The following SOX5 variants were observed in gnomAD, a reference collection of about 807,000 sequenced individuals.
SOX5 encodes the protein transcription factor SOX-5.
In SOX5, 9 loss-of-function variants were observed where a neutral mutation model predicts 92.0. The ratio of observed to expected loss-of-function variants is 0.10; its 90% confidence interval spans 0.06 to 0.17. The LOEUF (loss-of-function observed/expected upper bound fraction) is 0.17, where lower values mean the gene tolerates loss of function less well. SOX5 is among the 10% of genes least tolerant of loss of function. SOX5 has a pLI of 1.00. For missense variants in SOX5, 642 were observed against 944.5 expected (o/e 0.68, Z 4.20); for synonymous variants, 344 against 336.3 (o/e 1.02, Z -0.25).
chr12:24,142,400 T>A (rs1251750585), intron 4 of SOX5, among the ~76,000 whole-genome samples: 1 of 152,318 alleles, frequency 6.6e-6, no homozygotes, highest in East Asian at 1.9e-4. Context: ...ATTCGGATTC[T>A]GGTACATTTG....
intron 3 of SOX5, among the ~76,000 whole-genome samples, chr12:23,809,610 CT>C (rs1567952108): frequency 9.4e-6 from 1 of 106,642 alleles, no homozygotes; most frequent in Non-Finnish European, 2.0e-5. Context: ...TTGAAACATA[CT>C]TTTTTATTAA....
intron 2 of SOX5, among the ~76,000 whole-genome samples, chr12:23,860,494 G>C (rs181313429): frequency 8.3e-4 from 127 of 152,186 alleles, no homozygotes; most frequent in African/African-American, 2.9e-3. Flanking sequence ...CAGAGATAAT[G>C]TTTTAAATAG....
intron 3 of SOX5, among the ~76,000 whole-genome samples, chr12:23,781,233 T>C (rs949907354): frequency 4.9e-4 from 74 of 152,034 alleles, no homozygotes; most frequent in African/African-American, 1.7e-3. Flanking sequence ...ATGCTTTTAA[T>C]GGAAACCTCT....
intron 1 of SOX5, among the ~76,000 whole-genome samples, chr12:24,374,115 G>A (rs145292912): frequency 1.5e-3 from 227 of 152,330 alleles, no homozygotes; most frequent in African/African-American, 5.3e-3. Flanking sequence ...GGCAAAGAAA[G>A]AGGTAGAAGA....
chr12:24,159,799 T>A (rs911651367), intron 4 of SOX5, among the ~76,000 whole-genome samples: 4 of 152,090 alleles, frequency 2.6e-5, no homozygotes, highest in East Asian at 1.9e-4. Context: ...TGCAGAAACA[T>A]GATGCTGACA....
chr12:24,348,411 C>T (rs558729011), intron 2 of SOX5, among the ~76,000 whole-genome samples: 1 of 103,690 alleles, frequency 9.6e-6, no homozygotes, highest in African/African-American at 3.4e-5. Flanking sequence ...GAGATGGAGG[C>T]TCACTCTGTT....
chr12:23,599,113 C>A (rs1952993823), intron 9 of SOX5, among the ~76,000 whole-genome samples: 2 of 152,098 alleles, frequency 1.3e-5, no homozygotes, highest in African/African-American at 4.8e-5. Flanking sequence ...AAATAGGTTC[C>A]CTAATAGGAG....
chr12:23,962,673 T>A (rs780509317), intron 4 of SOX5, among the ~76,000 whole-genome samples: 14 of 152,238 alleles, frequency 9.2e-5, no homozygotes, highest in Non-Finnish European at 1.6e-4. Flanking sequence ...AGATGCTATT[T>A]TTGCAATTAG....
chr12:24,396,065 G>A (rs1959875408), intron 1 of SOX5, among the ~76,000 whole-genome samples: 1 of 152,228 alleles, frequency 6.6e-6, no homozygotes, highest in African/African-American at 2.4e-5. Context: ...ACATAAGTTG[G>A]AAAATGGGTC....
At chr12:24,430,066 C>G (rs1326892926) in intron 1 of SOX5, among the ~76,000 whole-genome samples, 2 of 152,154 alleles carry the variant, frequency 1.3e-5, no homozygotes, top group Admixed American at 6.5e-5. Context: ...TCATTAATCA[C>G]TTTTGAAAAT....
chr12:24,173,282 A>AC (rs1817863383), intron 4 of SOX5, among the ~76,000 whole-genome samples: 1 of 152,204 alleles, frequency 6.6e-6, no homozygotes, highest in African/African-American at 2.4e-5. Flanking sequence ...ATTGCTCATG[A>AC]CCCCGAACAA....
chr12:23,874,030 AG>A (rs1256219283), intron 2 of SOX5, among the ~76,000 whole-genome samples: 1 of 152,228 alleles, frequency 6.6e-6, no homozygotes. Flanking sequence ...ATTGAACATT[AG>A]GTGCTTCAAA....
chr12:24,113,718 A>T (rs1947645746), intron 4 of SOX5, among the ~76,000 whole-genome samples: 1 of 152,240 alleles, frequency 6.6e-6, no homozygotes, highest in South Asian at 2.1e-4. Flanking sequence ...AGAAAGAATG[A>T]CAAAGCAAAA....
intron 1 of SOX5, among the ~76,000 whole-genome samples, chr12:24,425,191 T>A (rs990717772): frequency 6.6e-6 from 1 of 152,224 alleles, no homozygotes; most frequent in Non-Finnish European, 1.5e-5. Flanking sequence ...ACTCCTTAAC[T>A]GTGGCCCTAG....
At chr12:23,682,681 A>T (rs2086813870) in intron 6 of SOX5, among the ~76,000 whole-genome samples, 1 of 151,876 alleles carries the variant, frequency 6.6e-6, no homozygotes, top group South Asian at 2.1e-4. Context: ...TCTCAACATA[A>T]ATCTTAAGCT....
intron 1 of SOX5, among the ~76,000 whole-genome samples, chr12:24,517,909 G>C (rs1490816746): frequency 2.0e-5 from 3 of 152,016 alleles, no homozygotes; most frequent in Non-Finnish European, 2.9e-5. Context: ...TTTTCAAGTA[G>C]ACAACTTCCA....
chr12:24,111,897 T>C (rs1319614475), intron 4 of SOX5, among the ~76,000 whole-genome samples: 1 of 152,254 alleles, frequency 6.6e-6, no homozygotes, highest in Non-Finnish European at 1.5e-5. Flanking sequence ...CTGCCTTCTC[T>C]ACATTCCTTC....
chr12:24,348,049 C>CAAAAAAAAAAAAAAAAA (rs1182462748), intron 2 of SOX5, among the ~76,000 whole-genome samples: 2 of 72,734 alleles, frequency 2.7e-5, no homozygotes, highest in African/African-American at 4.7e-5. Flanking sequence ...TACAGCTAAT[C>CAAAAAAAAAAAAAAAAA]AAAAAAAAAA....
intron 1 of SOX5, among the ~76,000 whole-genome samples, chr12:24,379,930 C>G (rs1282816779): frequency 6.8e-6 from 1 of 146,078 alleles, no homozygotes; most frequent in Non-Finnish European, 1.5e-5. Context: ...CAAATACCAC[C>G]ACACTATTTA....
Sources: allele counts gnomAD v4.1 joint callset (sites outside exome capture counted in the v4.1 genomes callset), GRCh38; gene constraint gnomAD v4.1.1; transcripts MANE v1.5; gene names NCBI Gene and HGNC (gene_info 2026-07-23, HGNC 2026-07-21).